The following MINDY4 variants were observed in gnomAD, a reference collection of about 807,000 sequenced individuals.
The protein encoded by MINDY4 is MINDY lysine 48 deubiquitinase 4.
Under a neutral mutation model 87.0 loss-of-function variants are expected in MINDY4, and 68 were observed. The ratio of observed to expected loss-of-function variants is 0.78; its 90% confidence interval spans 0.64 to 0.96. MINDY4 has a LOEUF of 0.96. Ranked by LOEUF, MINDY4 falls within the 40% of genes least tolerant of loss-of-function variation. The probability of loss-of-function intolerance (pLI) is 0.00; values close to 1 mark genes in which losing one functional copy is unlikely to be tolerated. For missense variants in MINDY4, 919 were observed against 928.2 expected (o/e 0.99, Z 0.13); for synonymous variants, 379 against 363.2 (o/e 1.04, Z -0.50).
intron 5 of MINDY4, among the ~76,000 whole-genome samples, chr7:30,811,096 G>A (rs1449220780): frequency 1.3e-5 from 2 of 151,836 alleles, no homozygotes; most frequent in African/African-American, 4.8e-5. Context: ...AGAAACTTGA[G>A]CCAGCCTAGG....
chr7:30,799,791 A>C (rs1026355024), intron 5 of MINDY4, among the ~76,000 whole-genome samples: 1 of 152,186 alleles, frequency 6.6e-6, no homozygotes, highest in African/African-American at 2.4e-5. Flanking sequence ...ATTCCGGTAC[A>C]TGTAATTTGT....
chr7:30,890,467 A>G (rs1290971324), intron 17 of MINDY4, among the ~76,000 whole-genome samples: 1 of 152,238 alleles, frequency 6.6e-6, no homozygotes, highest in African/African-American at 2.4e-5. Flanking sequence ...TTTCTATAGG[A>G]GCAAGAAGCA....
chr7:30,834,656 C>A lies in MINDY4; in HGVS notation c.1133-2002C>A, dbSNP rs76070706. On this transcript the variant is annotated intron_variant, in intron 6 of 17. Transcript: ENST00000265299. The stretch of plus-strand genomic sequence containing the variant: ...TGGGGTTTTCTTTTCTATTACATTT[C>A]TTTTCTGTTGCTAGTTTTCTGAGCT... Among the ~76,000 whole-genome samples, 1,216 of 152,322 alleles carry A rather than the reference C, an allele frequency of 8.0e-3. 13 individuals are homozygous for A. Among genetic ancestry groups the A allele is most frequent in the African/African-American group, 0.027 (1,137 of 41,574 alleles).
chr7:30,804,394 T>C (rs1218974588), intron 5 of MINDY4, among the ~76,000 whole-genome samples: 1 of 152,248 alleles, frequency 6.6e-6, no homozygotes, highest in Non-Finnish European at 1.5e-5. Context: ...GATCTCAATC[T>C]AAATACATGG....
chr7:30,773,703 G>A (rs1786714495), intron 1 of MINDY4, among the ~76,000 whole-genome samples: 1 of 152,116 alleles, frequency 6.6e-6, no homozygotes, highest in South Asian at 2.1e-4. Context: ...CATGAGCTGG[G>A]CTTGTTGTTA....
At chr7:30,805,870 G>A (rs917837161) in intron 5 of MINDY4, among the ~76,000 whole-genome samples, 2 of 152,018 alleles carry the variant, frequency 1.3e-5, no homozygotes, top group African/African-American at 4.8e-5. Flanking sequence ...AGAGAGATTT[G>A]TGCATGTTTG....
rs773625908 is a variant in MINDY4 at position 30,816,492 on chromosome 7, C to T, written c.1074-12187C>T. Among the ~76,000 whole-genome samples, 3 of 152,178 alleles carry T rather than the reference C, an allele frequency of 2.0e-5. No homozygotes were observed. The East Asian group carries it at 5.8e-4, about 29-fold the overall frequency. On this transcript the variant is annotated intron_variant, in intron 5 of 17. Coordinates refer to ENST00000265299, the MANE Select transcript of MINDY4 (RefSeq NM_032222.3). ...AGAGAGTTAAGCTGAGAAACCATCA[C>T]CCCGACAGAACAATGGCTTAGGAGG...
intron 5 of MINDY4, among the ~76,000 whole-genome samples, chr7:30,812,276 G>T (rs565282240): frequency 2.2e-5 from 2 of 92,304 alleles, no homozygotes; most frequent in South Asian, 4.6e-4. Context: ...TGTTGAGGGG[G>T]GGGGGGTATG....
chr7:30,828,834 T>A, intron 6 of MINDY4, 97 bp downstream of exon 6: 2 of 1,145,344 alleles, frequency 1.7e-6, no homozygotes, highest in Non-Finnish European at 2.6e-6. Flanking sequence ...CCCCTTTCCT[T>A]CCACCTGACC....
At chr7:30,816,332 C>G (rs1396038141) in intron 5 of MINDY4, among the ~76,000 whole-genome samples, 1 of 152,076 alleles carries the variant, frequency 6.6e-6, no homozygotes, top group Non-Finnish European at 1.5e-5. Context: ...TGGAATGTTC[C>G]AGAATCCAGC....
chr7:30,833,348 G>A (rs1788763058), intron 6 of MINDY4, among the ~76,000 whole-genome samples: 1 of 152,130 alleles, frequency 6.6e-6, no homozygotes, highest in Admixed American at 6.5e-5. Flanking sequence ...ATGGTGGCAG[G>A]CAAAGAGAGA....
chr7:30,814,502 A>C (rs1382587076), intron 5 of MINDY4, among the ~76,000 whole-genome samples: 3 of 152,216 alleles, frequency 2.0e-5, no homozygotes, highest in Non-Finnish European at 4.4e-5. Flanking sequence ...TCCAAGCCTC[A>C]GTGTCTTCAT....
rs1208670951 is a variant in MINDY4, at chr7:30,857,464, T to G, written c.1678-1793T>G. Among the ~76,000 whole-genome samples the G allele has an allele frequency of 3.6e-5, 2 of 55,130 alleles. 1 individual carries two copies. Among genetic ancestry groups the G allele is most frequent in the Admixed American group, 2.5e-4 (2 of 7,970 alleles). The allele number at this position is 55,130 out of a possible 152,430, so 36.2% of individuals were successfully genotyped here. A position where few individuals can be genotyped will look rare whatever the true frequency, so the allele number is the denominator to read the frequency against. ...AGGAGAGATCCATATCCACCTTGTT[T>G]TTTTTTTTTTTTTTTTTTTTTTTTT... On this transcript the variant is annotated intron_variant, in intron 12 of 17. Coordinates refer to ENST00000265299, the MANE Select transcript of MINDY4 (RefSeq NM_032222.3).
At chr7:30,809,376 GAA>G (rs57725704) in intron 5 of MINDY4, among the ~76,000 whole-genome samples, 1,695 of 86,706 alleles carry the variant, frequency 0.02, 28 homozygotes, top group African/African-American at 0.059. Flanking sequence ...GTATCCTAAG[GAA>G]AAAAAAAAAA....
intron 4 of MINDY4, 110 bp downstream of exon 4, chr7:30,786,102 G>C: frequency 7.0e-7 from 1 of 1,428,432 alleles, no homozygotes; most frequent in East Asian, 2.3e-5. Flanking sequence ...TCCGAGAAGA[G>C]GGTCTGTGTG....
intron 17 of MINDY4, among the ~76,000 whole-genome samples, chr7:30,890,744 GGAAA>G (rs1390901538): frequency 3.9e-5 from 6 of 151,982 alleles, no homozygotes; most frequent in African/African-American, 4.8e-5. Flanking sequence ...CCGAAGCCTA[GGAAA>G]GAAAGAAAGA....
At chr7:30,855,502 A>G (rs758141877) in intron 12 of MINDY4, among the ~76,000 whole-genome samples, 14 of 152,230 alleles carry the variant, frequency 9.2e-5, no homozygotes, top group Non-Finnish European at 1.5e-4. Context: ...CACCAGAGCC[A>G]GGAAAAGGAA....
rs202164342 is a variant in MINDY4 at position 30,791,302 on chromosome 7, C to G, written c.801C>G (p.Pro267=). 8.7e-6 allele frequency: 14 copies of G among 1,614,208 alleles called. No homozygotes were observed. Among genetic ancestry groups the G allele is most frequent in the South Asian group, 3.3e-5 (3 of 91,086 alleles). Reference sequence around the variant, plus strand: ...TTCTGGCTTCGAGCAACAGCTCCCCCTCCAGGACCTCCCTGGGTCAGCTTA... The same window carrying G: ...TTCTGGCTTCGAGCAACAGCTCCCCGTCCAGGACCTCCCTGGGTCAGCTTA... ...QDILASSNSS[P]SRTSLGQLSE... Residue 267 remains proline, a synonymous_variant, in exon 5 of 18, where the codon CCC becomes CCG. Coordinates refer to ENST00000265299, the MANE Select transcript of MINDY4 (RefSeq NM_032222.3).
At chr7:30,828,192 A>C (rs1467821916) in intron 5 of MINDY4, among the ~76,000 whole-genome samples, 2 of 152,192 alleles carry the variant, frequency 1.3e-5, no homozygotes, top group South Asian at 2.1e-4. Flanking sequence ...ACTTTGGTGC[A>C]TGTCAGAGGT....
Sources: allele counts gnomAD v4.1 joint callset (sites outside exome capture counted in the v4.1 genomes callset), GRCh38; gene constraint gnomAD v4.1.1; transcripts MANE v1.5; gene names NCBI Gene and HGNC (gene_info 2026-07-23, HGNC 2026-07-21).